Variants in ADAM7 observed in about 807,000 individuals in gnomAD.
ADAM7 encodes the protein ADAM metallopeptidase domain 7, also known as disintegrin and metalloproteinase domain-containing protein 7.
A neutral mutation model predicts 102.9 loss-of-function variants in ADAM7; 97 were observed. That is an observed-to-expected ratio of 0.94 (90% CI 0.80 to 1.12). The LOEUF (loss-of-function observed/expected upper bound fraction) is 1.12, where lower values mean the gene tolerates loss of function less well. Among genes scored for constraint, ADAM7 ranks in the 50% most tolerant of loss-of-function variants. ADAM7 has a pLI of 0.00. For synonymous variants in ADAM7, 334 were observed against 304.4 expected (o/e 1.10, Z -1.01); for missense variants, 991 against 908.7 (o/e 1.09, Z -1.16).
At chr8:24,459,711 T>C (rs1318760612) in intron 3 of ADAM7, among the ~76,000 whole-genome samples, 1 of 152,146 alleles carries the variant, frequency 6.6e-6, no homozygotes, top group African/African-American at 2.4e-5. Context: ...TCTCCTGCCT[T>C]GGCCTCCCAA....
intron 7 of ADAM7, among the ~76,000 whole-genome samples, chr8:24,475,742 G>A (rs1819747386): frequency 1.3e-5 from 2 of 152,088 alleles, no homozygotes; most frequent in South Asian, 4.1e-4. Context: ...TATGAAAGAA[G>A]TTTGACCATT....
At chr8:24,507,662 G>A (rs2129399265) in intron 21 of ADAM7, 127 bp downstream of exon 21, 3 of 711,602 alleles carry the variant, frequency 4.2e-6, no homozygotes, top group Non-Finnish European at 6.7e-6. Flanking sequence ...GATTAGGAAG[G>A]TTAGAATTTT....
chr8:24,472,002 T>C (rs951282254), intron 7 of ADAM7, among the ~76,000 whole-genome samples: 2 of 151,124 alleles, frequency 1.3e-5, no homozygotes, highest in Non-Finnish European at 1.5e-5. Flanking sequence ...TTTAATAGTA[T>C]ATAAAAGAGA....
intron 7 of ADAM7, among the ~76,000 whole-genome samples, chr8:24,472,928 C>A (rs1031444287): frequency 6.6e-6 from 1 of 152,028 alleles, no homozygotes; most frequent in East Asian, 1.9e-4. Flanking sequence ...ATAAAAGTTA[C>A]ACTTTATTAA....
At chr8:24,444,210 G>A (rs1818470682) in intron 2 of ADAM7, among the ~76,000 whole-genome samples, 1 of 149,912 alleles carries the variant, frequency 6.7e-6, no homozygotes, top group Non-Finnish European at 1.5e-5. Context: ...GACATGAAGT[G>A]TAAATAAATA....
At chr8:24,507,434 T>C (rs767187306) in intron 20 of ADAM7, 46 bp from the exon 21 acceptor site, 12 of 1,516,850 alleles carry the variant, frequency 7.9e-6, no homozygotes, top group Admixed American at 5.0e-5. Flanking sequence ...CCCATGCGTG[T>C]AACATCTGAT....
Position 24,465,736 on chromosome 8 carries a change from A to T in ADAM7, c.350A>T (p.Tyr117Phe), listed in dbSNP as rs185121881. The change falls in exon 5 of 22, where the codon TAT becomes TTT. Residue 117 changes from tyrosine (Y) to phenylalanine (F), a missense_variant. Physicochemically the swap from Tyr to Phe is conservative, Grantham distance 22 (BLOSUM62 3). Coordinates refer to ENST00000175238, the MANE Select transcript of ADAM7 (RefSeq NM_003817.4). Reference protein sequence around the residue: ...CFYQGSIVHEYDSAASISTCN... With the variant: ...CFYQGSIVHEFDSAASISTCN... The stretch of plus-strand genomic sequence containing the variant: ...TACCAAGGATCCATAGTACACGAAT[A>T]TGATTCAGCTGCCAGTATCAGTACG... 6.2e-7 allele frequency: 1 copy of T among 1,611,166 alleles called. No homozygotes were observed. The highest frequency in any genetic ancestry group is 8.5e-7 in the Non-Finnish European group (1 of 1,178,650).
intron 7 of ADAM7, among the ~76,000 whole-genome samples, chr8:24,469,536 G>A (rs936215676): frequency 6.6e-6 from 1 of 151,976 alleles, no homozygotes; most frequent in Non-Finnish European, 1.5e-5. Context: ...CTAAACTGCT[G>A]GAAGTCAAGT....
Position 24,447,219 on chromosome 8 carries a change from A to G in ADAM7, c.190A>G (p.Lys64Glu), listed in dbSNP as rs376610467. Residue 64 changes from lysine to glutamate, a missense_variant, in exon 3 of 22, where the codon AAA (lysine) becomes GAA (glutamate). Coordinates refer to ENST00000175238, the MANE Select transcript of ADAM7 (RefSeq NM_003817.4). Reference protein sequence around the residue: ...TYEEELLYEIKLNRKTLVLHL... With the variant: ...TYEEELLYEIELNRKTLVLHL... Reference sequence around the variant, plus strand: ...TGAAGAAGAATTGTTGTATGAAATAAAACTAAATAGAAAAACCTTAGTCCT... The same window carrying G: ...TGAAGAAGAATTGTTGTATGAAATAGAACTAAATAGAAAAACCTTAGTCCT... The G allele has an allele frequency of 1.7e-5, 26 of 1,555,956 alleles. No individual in the cohort carries two copies. The African/African-American group carries it at 3.0e-4, about 18-fold the overall frequency.
chr8:24,461,622 C>CA (rs1422561260), intron 3 of ADAM7, among the ~76,000 whole-genome samples: 2 of 152,084 alleles, frequency 1.3e-5, no homozygotes, highest in Non-Finnish European at 2.9e-5. Context: ...CTCCACTTTC[C>CA]AGCACTCCAC....
intron 9 of ADAM7, among the ~76,000 whole-genome samples, 156 bp downstream of exon 9, chr8:24,482,467 GC>G (rs1276178332): frequency 2.6e-5 from 4 of 152,114 alleles, no homozygotes; most frequent in African/African-American, 9.7e-5. Context: ...AAATTTCCAA[GC>G]AAGGAACCGT....
chr8:24,487,854 TAC>T (rs1820197579), intron 11 of ADAM7, among the ~76,000 whole-genome samples: 1 of 152,080 alleles, frequency 6.6e-6, no homozygotes, highest in South Asian at 2.1e-4. Context: ...ACTTTCTGGG[TAC>T]ACTGCAAAAG....
intron 3 of ADAM7, among the ~76,000 whole-genome samples, chr8:24,453,346 A>G (rs866244692): frequency 2.1e-4 from 32 of 151,954 alleles, no homozygotes; most frequent in African/African-American, 7.7e-4. Context: ...GGCTTTGCTC[A>G]TTTCTTTTTA....
In ADAM7 at chr8:24,489,538, T is replaced by G. The variant is rs1820266910; in HGVS notation, c.1266+205T>G. Among the ~76,000 whole-genome samples, 3 of 152,208 alleles carry G rather than the reference T, an allele frequency of 2.0e-5. No homozygotes were observed. The East Asian group carries it at 5.8e-4, about 29-fold the overall frequency. ...TTCTTATCAAGTCATGAAACATGTGTAATGACCTTGCTGGAGATCAGCAGC... is the reference window on the plus strand; with the variant it reads ...TTCTTATCAAGTCATGAAACATGTGGAATGACCTTGCTGGAGATCAGCAGC... On this transcript the variant is annotated intron_variant, in intron 12 of 21. Transcript: ENST00000175238.
At chr8:24,503,964 G>C (rs920394741) in intron 20 of ADAM7, among the ~76,000 whole-genome samples, 1 of 151,508 alleles carries the variant, frequency 6.6e-6, no homozygotes, top group African/African-American at 2.4e-5. Flanking sequence ...ACCATGCCAC[G>C]TGTATACCTA....
At position 24,466,891 on chromosome 8, in the gene ADAM7, G is replaced by T; in HGVS notation, c.482G>T (p.Arg161Met). 6.2e-7 allele frequency: 1 copy of T among 1,614,030 alleles called. No homozygotes were observed. The highest frequency in any genetic ancestry group is 8.5e-7 in the Non-Finnish European group (1 of 1,179,936). The change falls in exon 6 of 22, where the codon AGG (arginine) becomes ATG (methionine). Residue 161 changes from arginine to methionine, a missense_variant. Transcript: ENST00000175238. ...GEHLVFKYNL[R>M]VPYGANYSCT... The stretch of plus-strand genomic sequence containing the variant: ...CATTTGGTGTTCAAATATAACCTGA[G>T]GGTGCCGTATGGTGCCAATTATTCC...
intron 16 of ADAM7, among the ~76,000 whole-genome samples, chr8:24,498,758 AAT>A (rs1820644904): frequency 6.6e-6 from 1 of 151,894 alleles, no homozygotes; most frequent in Admixed American, 6.6e-5. Context: ...TTAGTGATCA[AAT>A]TTACCAAGAG....
chr8:24,501,708 C>T, intron 20 of ADAM7, 132 bp downstream of exon 20: 1 of 580,934 alleles, frequency 1.7e-6, no homozygotes, highest in Non-Finnish European at 2.9e-6. Flanking sequence ...CATGGTTCCA[C>T]ACACATGAAG....
At chr8:24,454,393 A>C (rs1268072883) in intron 3 of ADAM7, among the ~76,000 whole-genome samples, 2 of 152,142 alleles carry the variant, frequency 1.3e-5, no homozygotes, top group African/African-American at 4.8e-5. Context: ...GCCGCCTTGC[A>C]GTTTGATCTC....
Sources: allele counts gnomAD v4.1 joint callset (sites outside exome capture counted in the v4.1 genomes callset), GRCh38; gene constraint gnomAD v4.1.1; transcripts MANE v1.5; gene names NCBI Gene and HGNC (gene_info 2026-07-23, HGNC 2026-07-21).